Variants in FRMD4A observed in about 807,000 individuals in gnomAD.
FRMD4A encodes the protein FERM domain containing 4A.
A neutral mutation model predicts 129.1 loss-of-function variants in FRMD4A; 29 were observed. The ratio of observed to expected loss-of-function variants is 0.22; its 90% CI spans 0.17 to 0.31. The LOEUF (loss-of-function observed/expected upper bound fraction) is 0.31. FRMD4A is among the 10% of genes least tolerant of loss of function. FRMD4A has a pLI of 1.00. For missense variants in FRMD4A, 1,272 were observed against 1,375.8 expected, an observed-to-expected ratio of 0.92 and a Z score of 1.19; for synonymous variants, 634 against 571.6, an observed-to-expected ratio of 1.11 and a Z score of -1.56.
At chr10:13,925,895 T>C (rs990805887) in intron 2 of FRMD4A, among the ~76,000 whole-genome samples, 1 of 151,436 alleles carries the variant, frequency 6.6e-6, no homozygotes, top group Non-Finnish European at 1.5e-5. Context: ...TTTTTTTTTT[T>C]TTTTTTAGTA....
chr10:13,903,705 C>T (rs1385372167), intron 2 of FRMD4A, among the ~76,000 whole-genome samples: 3 of 130,822 alleles, frequency 2.3e-5, no homozygotes, highest in African/African-American at 9.1e-5. Context: ...GACCCCATCT[C>T]TAAAAAAATA....
chr10:14,229,094 T>G (rs1843548969), intron 2 of FRMD4A, among the ~76,000 whole-genome samples: 2 of 152,116 alleles, frequency 1.3e-5, no homozygotes, highest in South Asian at 2.1e-4. Flanking sequence ...CTTGTTTTTT[T>G]TTTGTTTGTT....
chr10:14,254,601 G>A (rs1368977307), intron 2 of FRMD4A, among the ~76,000 whole-genome samples: 3 of 151,988 alleles, frequency 2.0e-5, no homozygotes, highest in African/African-American at 7.2e-5. Context: ...TGGGGTTCTT[G>A]CCAACTTCTT....
At position 14,148,528 on chromosome 10, in the gene FRMD4A, C is replaced by T. The variant is rs536148790; in HGVS notation, c.45+181530G>A. The stretch of plus-strand genomic sequence containing the variant: ...CCTGTAATCCCAGCACTTTGGGAGG[C>T]TGAGGTGGGTGGACCACAAGGTCAG... On this transcript the variant is annotated intron_variant, in intron 2 of 24. Coordinates refer to ENST00000357447, the MANE Select transcript of FRMD4A (RefSeq NM_018027.5). Among the ~76,000 whole-genome samples, 5 of 152,264 alleles carry T rather than the reference C, an allele frequency of 3.3e-5. No individual in the cohort carries two copies. In the East Asian group the frequency reaches 9.7e-4, roughly 29 times the overall value.
chr10:13,907,929 G>A (rs1447438014), intron 2 of FRMD4A, among the ~76,000 whole-genome samples: 2 of 151,330 alleles, frequency 1.3e-5, no homozygotes, highest in Admixed American at 6.6e-5. Context: ...ACTTTGGGAG[G>A]CCGAGGCAGG....
chr10:13,925,032 C>G (rs897937409), intron 2 of FRMD4A, among the ~76,000 whole-genome samples: 86 of 145,070 alleles, frequency 5.9e-4, no homozygotes, highest in Non-Finnish European at 1.0e-3. Context: ...CCACTGCACT[C>G]CAGCTCTGGT....
At chr10:14,117,314 C>T (rs1046237156) in intron 2 of FRMD4A, among the ~76,000 whole-genome samples, 1 of 152,156 alleles carries the variant, frequency 6.6e-6, no homozygotes, top group Non-Finnish European at 1.5e-5. Context: ...AATGAGAGAG[C>T]CTCCAACAGC....
At chr10:13,762,453 A>G (rs527643371) in intron 7 of FRMD4A, among the ~76,000 whole-genome samples, 171 bp downstream of exon 7, 10 of 152,160 alleles carry the variant, frequency 6.6e-5, no homozygotes, top group Non-Finnish European at 1.2e-4. Context: ...GCCCCTGTTT[A>G]TTGCTATGGT....
chr10:14,064,391 T>C (rs1834956876), intron 2 of FRMD4A, among the ~76,000 whole-genome samples: 1 of 152,206 alleles, frequency 6.6e-6, no homozygotes, highest in Non-Finnish European at 1.5e-5. Context: ...AACAGTGCCC[T>C]GTGAAAACTA....
intron 3 of FRMD4A, among the ~76,000 whole-genome samples, chr10:13,819,449 C>T (rs571935572): frequency 7.9e-5 from 12 of 152,274 alleles, no homozygotes; most frequent in Non-Finnish European, 1.5e-4. Flanking sequence ...ATGCTCTCTC[C>T]CTCCTCTGGA....
rs1049043028 is a variant in FRMD4A, at chr10:13,883,027, C to A, written c.46-24115G>T. Among the ~76,000 whole-genome samples the A allele has an allele frequency of 6.6e-5, 10 of 152,090 alleles. No homozygotes were observed. In the East Asian group the frequency reaches 2.0e-3, roughly 30 times the overall value. ...CCTTGTTGGCCAGGCTGGTCTCGAA[C>A]TTCTGTCCTCAAGTGATCCTCTCGC... is the stretch of plus-strand genomic sequence containing the variant. On this transcript the variant is annotated intron_variant, in intron 2 of 24. Transcript: ENST00000357447.
chr10:13,935,029 G>T (rs1181444460), intron 2 of FRMD4A, among the ~76,000 whole-genome samples: 1 of 152,084 alleles, frequency 6.6e-6, no homozygotes, highest in Non-Finnish European at 1.5e-5. Context: ...TTTTACAAGA[G>T]CACTCATCTC....
At chr10:14,185,194 T>A (rs915689985) in intron 2 of FRMD4A, among the ~76,000 whole-genome samples, 5 of 152,224 alleles carry the variant, frequency 3.3e-5, no homozygotes, top group Admixed American at 1.3e-4. Flanking sequence ...GTGTATAATG[T>A]GGTGTAGCCC....
intron 3 of FRMD4A, among the ~76,000 whole-genome samples, chr10:13,838,099 G>T (rs2093904018): frequency 6.6e-6 from 1 of 151,982 alleles, no homozygotes; most frequent in Non-Finnish European, 1.5e-5. Flanking sequence ...TCTTTATTTA[G>T]TTATTTAGAG....
At chr10:13,792,155 G>A (rs1019266414) in intron 5 of FRMD4A, among the ~76,000 whole-genome samples, 1 of 152,188 alleles carries the variant, frequency 6.6e-6, no homozygotes, top group Non-Finnish European at 1.5e-5. Context: ...GGTAGTGCTG[G>A]AACCAGGCTG....
At chr10:14,189,469 G>C (rs1031517607) in intron 2 of FRMD4A, among the ~76,000 whole-genome samples, 1 of 152,130 alleles carries the variant, frequency 6.6e-6, no homozygotes, top group African/African-American at 2.4e-5. Context: ...AGCTACTCGG[G>C]AGGCTGAGAC....
intron 2 of FRMD4A, among the ~76,000 whole-genome samples, chr10:14,193,878 G>T (rs1333300793): frequency 6.6e-6 from 1 of 152,048 alleles, no homozygotes; most frequent in East Asian, 1.9e-4. Flanking sequence ...AGGTTCTGTG[G>T]TGAACACTGA....
intron 2 of FRMD4A, among the ~76,000 whole-genome samples, chr10:13,859,712 T>C (rs1057458038): frequency 6.6e-6 from 1 of 152,178 alleles, no homozygotes; most frequent in African/African-American, 2.4e-5. Flanking sequence ...GAATTTGATT[T>C]CTGTGTTAGT....
chr10:14,139,952 T>A (rs1348760184), intron 2 of FRMD4A, among the ~76,000 whole-genome samples: 1 of 152,236 alleles, frequency 6.6e-6, no homozygotes, highest in East Asian at 1.9e-4. Flanking sequence ...ACAAATGCAT[T>A]GTGTATTTTC....
Sources: allele counts gnomAD v4.1 joint callset (sites outside exome capture counted in the v4.1 genomes callset), GRCh38; gene constraint gnomAD v4.1.1; transcripts MANE v1.5; gene names NCBI Gene and HGNC (gene_info 2026-07-23, HGNC 2026-07-21).